Variants in STK24 observed in about 807,000 individuals in gnomAD.
STK24 encodes serine/threonine kinase 24, also known as serine/threonine-protein kinase 24.
Under a neutral mutation model 55.6 loss-of-function variants are expected in STK24, and 21 were observed. That is an observed-to-expected ratio of 0.38 (90% CI 0.27 to 0.54). The LOEUF (loss-of-function observed/expected upper bound fraction) is 0.54. Ranked by LOEUF, STK24 falls within the 20% of genes least tolerant of loss-of-function variation. STK24 has a pLI of 0.79. For synonymous variants in STK24, 200 were observed against 215.2 expected (o/e 0.93, Z 0.62); for missense variants, 383 against 538.4 (o/e 0.71, Z 2.86).
chr13:98,457,452 C>A lies in STK24; in HGVS notation c.1123-148G>T. On this transcript the variant is annotated intron_variant, in intron 9 of 10. Transcript: ENST00000539966. ...GAAAAGCTTTGGCTAGGGCTCCAGGCCACTTCAAATTGCTTTTTTTTTTTT... is the reference window on the plus strand; with the variant it reads ...GAAAAGCTTTGGCTAGGGCTCCAGGACACTTCAAATTGCTTTTTTTTTTTT... 2.0e-6 allele frequency: 2 copies of A among 996,018 alleles called. 1 individual carries two copies. Among genetic ancestry groups the A allele is most frequent in the African/African-American group, 3.3e-5 (2 of 59,722 alleles). 61.7% of individuals were successfully genotyped at this position (996,018 alleles called of 1,614,324 possible).
chr13:98,458,014 C>T (rs1277841479), intron 9 of STK24, among the ~76,000 whole-genome samples: 2 of 152,216 alleles, frequency 1.3e-5, no homozygotes, highest in African/African-American at 4.8e-5. Flanking sequence ...CTCAACACTG[C>T]TTACTTCCTA....
intron 9 of STK24, 42 bp downstream of exon 9, chr13:98,460,329 TC>T (rs572180148): frequency 5.5e-5 from 85 of 1,546,828 alleles, no homozygotes; most frequent in Non-Finnish European, 4.8e-5. Context: ...AGCTTCTCCT[TC>T]CCCCTCCCCT....
At position 98,519,479 on chromosome 13, in the gene STK24, G is replaced by A. The variant is rs773514315; in HGVS notation, c.43-6C>T. 10 of 1,611,794 alleles carry A rather than the reference G, an allele frequency of 6.2e-6. No individual in the cohort carries two copies. Among genetic ancestry groups the A allele is most frequent in the Non-Finnish European group, 8.5e-6 (10 of 1,178,592 alleles). Reference sequence around the variant, plus strand: ...TCTGGGTCTGCCTTTAGGTTCTGTAGAGAGAAGGAAGAGAAAAGGGAAACT... The same window carrying A: ...TCTGGGTCTGCCTTTAGGTTCTGTAAAGAGAAGGAAGAGAAAAGGGAAACT... On this transcript the variant is annotated splice_region_variant and splice_polypyrimidine_tract_variant and intron_variant, in intron 1 of 10. Transcript: ENST00000539966.
Position 98,447,310 on chromosome 13 carries a change from G to A in STK24, c.*5863C>T, listed in dbSNP as rs1479475181. On this transcript the variant is annotated 3_prime_UTR_variant, in exon 11 of 11. Coordinates refer to ENST00000539966, the MANE Select transcript of STK24 (RefSeq NM_001032296.4). ...TCGCCCCGGGAGGCAGAAGGGGAGGGGTCCTCAGCAATATGCTGAGCACCT... is the reference window on the plus strand; with the variant it reads ...TCGCCCCGGGAGGCAGAAGGGGAGGAGTCCTCAGCAATATGCTGAGCACCT... The A allele has an allele frequency of 6.5e-6, 1 of 154,262 alleles. No individual in the cohort carries two copies. The highest frequency in any genetic ancestry group is 1.4e-5 in the Non-Finnish European group (1 of 69,524). The allele number at this position is 154,262 out of a possible 1,614,324, so 9.6% of individuals were successfully genotyped here.
At chr13:98,468,466 C>A (rs995497581) in intron 5 of STK24, among the ~76,000 whole-genome samples, 3 of 152,206 alleles carry the variant, frequency 2.0e-5, no homozygotes, top group Non-Finnish European at 4.4e-5. Context: ...GGCAAGCACC[C>A]AGAACTGTGG....
chr13:98,503,024 G>GTGTTTTTTTTT lies in STK24; in HGVS notation c.273+16218_273+16219insAAAAAAAAACA, dbSNP rs1555306356. 1.2e-4 allele frequency among the ~76,000 whole-genome samples: 13 copies of GTGTTTTTTTTT among 107,056 alleles called. No individual in the cohort carries two copies. The South Asian group carries it at 1.5e-3, about 12-fold the overall frequency. 70.2% of individuals were successfully genotyped at this position (107,056 alleles called of 152,430 possible). A position where few individuals can be genotyped will look rare whatever the true frequency, so the allele number is the denominator to read the frequency against. ...AATATATTAGAAATACTTTCCATGT[G>GTGTTTTTTTTT]TTTTTTTTTTTTTTTTTCAGTATGG... On this transcript the variant is annotated intron_variant, in intron 2 of 10. Coordinates refer to ENST00000539966, the MANE Select transcript of STK24 (RefSeq NM_001032296.4).
chr13:98,513,700 T>A (rs1463575147), intron 2 of STK24, among the ~76,000 whole-genome samples: 1 of 152,178 alleles, frequency 6.6e-6, no homozygotes, highest in Non-Finnish European at 1.5e-5. Context: ...AAACTGCAAA[T>A]CATCTCTCCA....
chr13:98,508,000 A>G (rs1486468948), intron 2 of STK24, among the ~76,000 whole-genome samples: 1 of 152,214 alleles, frequency 6.6e-6, no homozygotes, highest in Non-Finnish European at 1.5e-5. Flanking sequence ...AGGAGAATTC[A>G]AACACCAATG....
Position 98,478,203 on chromosome 13 carries a change from G to A in STK24, c.331-2845C>T, listed in dbSNP as rs1894455854. Among the ~76,000 whole-genome samples, 3 of 152,258 alleles carry A rather than the reference G, an allele frequency of 2.0e-5. No homozygotes were observed. In the South Asian group the frequency reaches 6.3e-4, roughly 32 times the overall value. On this transcript the variant is annotated intron_variant, in intron 3 of 10. Coordinates refer to ENST00000539966, the MANE Select transcript of STK24 (RefSeq NM_001032296.4). The stretch of plus-strand genomic sequence containing the variant: ...GCTCTCCATCATTCAGGCACTTGCA[G>A]ACTCTTCAAATAGGACCCAGGAAAA...
intron 10 of STK24, chr13:98,454,639 AGAG>A (rs1281229031): frequency 6.6e-6 from 1 of 152,242 alleles, no homozygotes. Context: ...AAAATGCTTC[AGAG>A]GAGAGGCGGC....
At chr13:98,544,642 C>T (rs1282967309) in intron 1 of STK24, among the ~76,000 whole-genome samples, 2 of 152,222 alleles carry the variant, frequency 1.3e-5, no homozygotes, top group Non-Finnish European at 2.9e-5. Flanking sequence ...CCCTCCTAAG[C>T]CAAAGAATCC....
In STK24 at chr13:98,474,950, G is replaced by A. The variant is rs764772874; in HGVS notation, c.468C>T (p.Gly156=). The A allele has an allele frequency of 1.6e-5, 26 of 1,613,508 alleles. No individual in the cohort carries two copies. In the East Asian group the frequency reaches 3.8e-4, roughly 24 times the overall value. ...KAANVLLSEH[G]EVKLADFGVA... ...CGCCAAAGTCCGCCAGCTTCACCTC[G>A]CCATGCTCAGACAGCAGGACGTTGG... Residue 156 remains glycine, a synonymous_variant, in exon 5 of 11, where the codon GGC becomes GGT. Coordinates refer to ENST00000539966, the MANE Select transcript of STK24 (RefSeq NM_001032296.4).
At chr13:98,499,747 A>C (rs950297362) in intron 2 of STK24, among the ~76,000 whole-genome samples, 2 of 152,148 alleles carry the variant, frequency 1.3e-5, no homozygotes, top group African/African-American at 4.8e-5. Flanking sequence ...CAGCAAAGAC[A>C]AGGTCTTGCT....
At position 98,453,014 on chromosome 13, in the gene STK24, G is replaced by A; in HGVS notation, c.*159C>T. ...AGACTTCATCTGGCTGCAGCACAGT[G>A]AAGACTGTGTGTGTCCCTGGACGGG... On this transcript the variant is annotated 3_prime_UTR_variant, in exon 11 of 11. Transcript: ENST00000539966. The A allele has an allele frequency of 1.5e-6, 1 of 688,270 alleles. No individual in the cohort carries two copies. 42.6% of individuals were successfully genotyped at this position (688,270 alleles called of 1,614,324 possible).
At chr13:98,513,192 A>G (rs1370231708) in intron 2 of STK24, among the ~76,000 whole-genome samples, 1 of 152,234 alleles carries the variant, frequency 6.6e-6, no homozygotes, top group Non-Finnish European at 1.5e-5. Context: ...CAAAGCCTGC[A>G]CTGGGTCCTG....
intron 4 of STK24, 113 bp from the exon 5 acceptor site, chr13:98,475,091 G>T: frequency 1.4e-6 from 2 of 1,452,606 alleles, no homozygotes. Flanking sequence ...ACAGGCACCG[G>T]GGCTACACTT....
chr13:98,497,487 T>G (rs1008645591), intron 2 of STK24, among the ~76,000 whole-genome samples: 1 of 152,212 alleles, frequency 6.6e-6, no homozygotes, highest in African/African-American at 2.4e-5. Flanking sequence ...GACGATGCCC[T>G]AGTGAAAACC....
At chr13:98,475,139 AG>A in intron 4 of STK24, 110 bp downstream of exon 4, 1 of 1,392,154 alleles carries the variant, frequency 7.2e-7, no homozygotes, top group Non-Finnish European at 9.7e-7. Flanking sequence ...AGCCCAGGCA[AG>A]GCAAACGTGC....
chr13:98,540,293 T>C (rs983950554), intron 1 of STK24, among the ~76,000 whole-genome samples: 1 of 152,242 alleles, frequency 6.6e-6, no homozygotes, highest in African/African-American at 2.4e-5. Context: ...AGCTGCACCA[T>C]TCAGTAAAAT....
Sources: gnomAD v4.1 joint callset for allele counts (sites outside exome capture counted in the v4.1 genomes callset) on GRCh38, gnomAD v4.1.1 for gene constraint, MANE v1.5 for transcripts, NCBI Gene and HGNC (gene_info 2026-07-23, HGNC 2026-07-21) for gene names.